KCNK2: variants seen among roughly 807,000 people sequenced by gnomAD.
KCNK2 encodes the protein potassium channel subfamily K member 2.
Under a neutral mutation model 40.5 loss-of-function variants are expected in KCNK2, and 21 were observed. That is an observed-to-expected ratio of 0.52 (90% CI 0.37 to 0.75). The LOEUF is 0.75. Among genes scored for constraint, KCNK2 ranks in the 30% least tolerant of loss-of-function variants. The probability of loss-of-function intolerance (pLI) is 0.00; values close to 1 mark genes in which losing one functional copy is unlikely to be tolerated. For synonymous variants in KCNK2, 191 were observed against 202.2 expected (o/e 0.94, Z 0.47); for missense variants, 399 against 531.6 (o/e 0.75, Z 2.45).
intron 3 of KCNK2, among the ~76,000 whole-genome samples, chr1:215,146,525 G>A (rs1343359001): frequency 6.6e-6 from 1 of 152,140 alleles, no homozygotes; most frequent in Non-Finnish European, 1.5e-5. Context: ...GACACAAAAT[G>A]TCAAAACATC....
rs538920019 is a variant in KCNK2, at chr1:215,015,431, G to A, written c.34+9476G>A. Among the ~76,000 whole-genome samples, 16 of 152,058 alleles carry A rather than the reference G, an allele frequency of 1.1e-4. No homozygotes were observed. In the South Asian group the frequency reaches 2.5e-3, roughly 24 times the overall value. On this transcript the variant is annotated intron_variant, in intron 1 of 6. Coordinates refer to the KCNK2 transcript ENST00000391895. ...ATTTTTCTTGTCAACTTTTTAGCTC[G>A]AGATTTCTGAACCACATAAAATTGA...
At chr1:215,083,838 C>G (rs1659297786) in intron 1 of KCNK2, among the ~76,000 whole-genome samples, 1 of 152,110 alleles carries the variant, frequency 6.6e-6, no homozygotes, top group Admixed American at 6.5e-5. Context: ...AGTGGTCAGT[C>G]GCCGCTGGAG....
chr1:215,219,727 T>C (rs1666097617), intron 6 of KCNK2, among the ~76,000 whole-genome samples: 1 of 152,224 alleles, frequency 6.6e-6, no homozygotes, highest in Non-Finnish European at 1.5e-5. Flanking sequence ...ATCATCAAAC[T>C]GTCAATTTAT....
At chr1:215,233,438 TTC>T (rs1353507291) in intron 6 of KCNK2, among the ~76,000 whole-genome samples, 2 of 141,284 alleles carry the variant, frequency 1.4e-5, no homozygotes, top group East Asian at 4.1e-4. Flanking sequence ...GAAGTTTCAT[TTC>T]TGTTTTTGAG....
chr1:215,103,237 G>A (rs1660298339), intron 2 of KCNK2, among the ~76,000 whole-genome samples: 1 of 151,844 alleles, frequency 6.6e-6, no homozygotes, highest in African/African-American at 2.4e-5. Flanking sequence ...AATTTAATGT[G>A]TCTAAGATTC....
At chr1:215,025,579 ATG>A (rs1656975176) in intron 1 of KCNK2, among the ~76,000 whole-genome samples, 2 of 152,046 alleles carry the variant, frequency 1.3e-5, no homozygotes, top group African/African-American at 4.8e-5. Context: ...ATTATATATT[ATG>A]TGCATACATA....
At chr1:215,030,712 T>A (rs1262249021) in intron 1 of KCNK2, among the ~76,000 whole-genome samples, 2 of 12,920 alleles carry the variant, frequency 1.5e-4, no homozygotes, top group African/African-American at 2.0e-4. Context: ...TTTTTGTATT[T>A]TTTTTTTTTT....
chr1:215,220,723 A>G (rs1666136204), intron 6 of KCNK2, among the ~76,000 whole-genome samples: 1 of 152,230 alleles, frequency 6.6e-6, no homozygotes, highest in South Asian at 2.1e-4. Context: ...AATAAATACT[A>G]TTAAATCTAG....
intron 2 of KCNK2, among the ~76,000 whole-genome samples, chr1:215,090,057 C>T (rs1571898755): frequency 3.9e-5 from 6 of 152,192 alleles, no homozygotes; most frequent in East Asian, 1.9e-4. Context: ...AACTCCCGAC[C>T]TCAGGTGATC....
In KCNK2 at chr1:215,134,894, C is replaced by CTA. The variant is rs1005939366; in HGVS notation, c.475+10158_475+10159dup. 1.4e-3 allele frequency among the ~76,000 whole-genome samples: 217 copies of CTA among 149,768 alleles called. No homozygotes were observed. In the South Asian group the frequency reaches 0.018, roughly 13 times the overall value. ...TGTGCCAGGAACTTGGGATGAAGAC[C>CTA]TATATATATATATATTTCTTATTAT... On this transcript the variant is annotated intron_variant, in intron 3 of 6. Coordinates refer to ENST00000444842, the MANE Select transcript of KCNK2 (RefSeq NM_001017425.3).
At chr1:215,168,571 G>A (rs1428594214) in intron 3 of KCNK2, among the ~76,000 whole-genome samples, 10 of 152,188 alleles carry the variant, frequency 6.6e-5, no homozygotes, top group African/African-American at 2.4e-4. Flanking sequence ...GATGAAGCTG[G>A]AAGCCATCTG....
chr1:215,231,415 T>G (rs1160358377), intron 6 of KCNK2, among the ~76,000 whole-genome samples: 1 of 152,172 alleles, frequency 6.6e-6, no homozygotes. Flanking sequence ...GTCATGAGAT[T>G]GTGTAAAATT....
chr1:215,008,375 A>G (rs939994897), intron 1 of KCNK2, among the ~76,000 whole-genome samples: 4 of 152,118 alleles, frequency 2.6e-5, no homozygotes, highest in African/African-American at 4.8e-5. Flanking sequence ...TTGTTGCACC[A>G]GGAGGAATGA....
At chr1:215,091,064 C>T (rs1006792098) in intron 2 of KCNK2, among the ~76,000 whole-genome samples, 3 of 152,296 alleles carry the variant, frequency 2.0e-5, no homozygotes, top group East Asian at 1.9e-4. Context: ...GGTACAATAG[C>T]ATTACCGTAG....
At chr1:215,121,706 G>C (rs977789740) in intron 2 of KCNK2, among the ~76,000 whole-genome samples, 4 of 152,132 alleles carry the variant, frequency 2.6e-5, no homozygotes, top group Non-Finnish European at 5.9e-5. Context: ...CCAACAGATT[G>C]AAAGCAGAAA....
At chr1:215,019,541 G>T (rs938132309) in intron 1 of KCNK2, among the ~76,000 whole-genome samples, 1 of 152,186 alleles carries the variant, frequency 6.6e-6, no homozygotes, top group Middle Eastern at 3.4e-3. Context: ...ATGCGCTCAT[G>T]GTTGTTAAAT....
chr1:215,050,036 A>C (rs1396751553), intron 1 of KCNK2, among the ~76,000 whole-genome samples: 1 of 152,110 alleles, frequency 6.6e-6, no homozygotes, highest in Non-Finnish European at 1.5e-5. Context: ...CTATGTCTAT[A>C]AAAAACCTTG....
intron 3 of KCNK2, among the ~76,000 whole-genome samples, chr1:215,153,332 A>G (rs1445613997): frequency 6.6e-6 from 1 of 152,140 alleles, no homozygotes; most frequent in Non-Finnish European, 1.5e-5. Flanking sequence ...TCCAAGGTTT[A>G]AATAACTGTG....
chr1:215,026,655 T>TTTATGGTATATCTGGTATGGTA (rs1415922641), intron 1 of KCNK2, among the ~76,000 whole-genome samples: 1 of 152,092 alleles, frequency 6.6e-6, no homozygotes, highest in Non-Finnish European at 1.5e-5. Context: ...TTTCAGTATC[T>TTTATGGTATATCTGGTATGGTA]TTATGGTATA....
Sources: allele counts gnomAD v4.1 joint callset (sites outside exome capture counted in the v4.1 genomes callset), GRCh38; gene constraint gnomAD v4.1.1; transcripts MANE v1.5; gene names NCBI Gene and HGNC (gene_info 2026-07-23, HGNC 2026-07-21).